Variants in WDR41 observed in about 807,000 individuals in gnomAD.
WDR41 encodes WD repeat-containing protein 41.
In WDR41, 63 loss-of-function variants were observed where a neutral mutation model predicts 69.3. The ratio of observed to expected loss-of-function variants is 0.91; its 90% confidence interval spans 0.74 to 1.12. The LOEUF is 1.12. Among genes scored for constraint, WDR41 ranks in the 50% most tolerant of loss-of-function variants. The pLI is 0.00. For missense variants in WDR41, 543 were observed against 534.5 expected (o/e 1.02, Z -0.16); for synonymous variants, 185 against 192.1 (o/e 0.96, Z 0.31).
chr5:77,497,627 G>C (rs1276437974), intron 1 of WDR41, among the ~76,000 whole-genome samples: 1 of 152,142 alleles, frequency 6.6e-6, no homozygotes, highest in African/African-American at 2.4e-5. Flanking sequence ...GGAGAAATTG[G>C]AGTCCTTGTG....
In WDR41 at chr5:77,461,503, G is replaced by C. The variant is rs953529517; in HGVS notation, c.348+1592C>G. Among the ~76,000 whole-genome samples, 34 of 152,192 alleles carry C rather than the reference G, an allele frequency of 2.2e-4. 1 individual carries two copies. The highest frequency in any genetic ancestry group is 6.5e-5 in the Admixed American group (1 of 15,270). On this transcript the variant is annotated intron_variant, in intron 4 of 12. Coordinates refer to ENST00000296679, the MANE Select transcript of WDR41 (RefSeq NM_018268.4). ...TTACTCCAAAACTTCACCAATGCTTGAAAGTGTTTACACAGAACTTTCAGA... is the reference window on the plus strand; with the variant it reads ...TTACTCCAAAACTTCACCAATGCTTCAAAGTGTTTACACAGAACTTTCAGA...
chr5:77,550,380 C>T (rs1410804722), intron 1 of WDR41, among the ~76,000 whole-genome samples: 3 of 152,086 alleles, frequency 2.0e-5, no homozygotes, highest in African/African-American at 7.2e-5. Context: ...CCATAAGTAA[C>T]TTCAACAATT....
At chr5:77,470,498 G>C (rs1800536222) in intron 2 of WDR41, among the ~76,000 whole-genome samples, 1 of 152,114 alleles carries the variant, frequency 6.6e-6, no homozygotes, top group Admixed American at 6.5e-5. Context: ...TGGATAAAGA[G>C]TCAAGACCCA....
chr5:77,438,397 G>C (rs7720548), intron 9 of WDR41, 36 bp from the exon 10 acceptor site: 2 of 1,610,822 alleles, frequency 1.2e-6, no homozygotes, highest in Non-Finnish European at 1.7e-6. Context: ...CATAAAACTA[G>C]CACTCACCCT....
intron 9 of WDR41, among the ~76,000 whole-genome samples, chr5:77,438,622 C>T (rs533967613): frequency 1.3e-5 from 2 of 152,294 alleles, no homozygotes; most frequent in South Asian, 4.1e-4. Context: ...CCACTTCTTC[C>T]TCACTGAAAT....
intron 8 of WDR41, among the ~76,000 whole-genome samples, chr5:77,446,192 A>G (rs538551785): frequency 3.5e-4 from 53 of 152,200 alleles, no homozygotes; most frequent in Non-Finnish European, 6.5e-4. Flanking sequence ...CAAAGAGAAT[A>G]AAGTACCTAG....
chr5:77,533,634 GA>G (rs1370834757), intron 1 of WDR41, among the ~76,000 whole-genome samples: 1 of 152,106 alleles, frequency 6.6e-6, no homozygotes, highest in East Asian at 1.9e-4. Flanking sequence ...ATAGGAGCCT[GA>G]AATGGATGAT....
chr5:77,559,767 G>T (rs187022286), intron 1 of WDR41, among the ~76,000 whole-genome samples: 23 of 152,026 alleles, frequency 1.5e-4, no homozygotes, highest in Admixed American at 6.6e-4. Context: ...TAAGGTAATT[G>T]CTTGGTAAAC....
intron 1 of WDR41, among the ~76,000 whole-genome samples, chr5:77,551,603 A>C (rs1235126619): frequency 6.6e-6 from 1 of 151,972 alleles, no homozygotes; most frequent in Admixed American, 6.6e-5. Context: ...GCTTGAACCC[A>C]GGAGGTAGAG....
At chr5:77,600,428 C>T (rs555120923) in intron 1 of WDR41, among the ~76,000 whole-genome samples, 108 of 152,112 alleles carry the variant, frequency 7.1e-4, no homozygotes, top group African/African-American at 2.5e-3. Flanking sequence ...GACCAGGGGT[C>T]GAAAGCAGGG....
At chr5:77,464,473 C>T (rs1800208542) in intron 3 of WDR41, among the ~76,000 whole-genome samples, 1 of 151,772 alleles carries the variant, frequency 6.6e-6, no homozygotes, top group Admixed American at 6.6e-5. Flanking sequence ...TCTCAAACTC[C>T]TGGCCCCAAG....
intron 8 of WDR41, among the ~76,000 whole-genome samples, chr5:77,443,900 TG>T (rs777078848): frequency 0.061 from 1,879 of 30,890 alleles, 34 homozygotes; most frequent in Non-Finnish European, 0.075. Flanking sequence ...TTTTTTTTTT[TG>T]AAATGAAGTC....
At chr5:77,577,341 A>C (rs553629924) in intron 1 of WDR41, among the ~76,000 whole-genome samples, 2 of 151,918 alleles carry the variant, frequency 1.3e-5, no homozygotes, top group Non-Finnish European at 2.9e-5. Context: ...GAAAAGAAAA[A>C]TGGGCAAAGG....
At chr5:77,616,876 A>T (rs185172891) in intron 1 of WDR41, among the ~76,000 whole-genome samples, 89 of 152,288 alleles carry the variant, frequency 5.8e-4, no homozygotes, top group Admixed American at 5.7e-3. Context: ...GGTAGTTAAG[A>T]CTTTCTTCTT....
chr5:77,495,981 T>C (rs934382183), upstream of WDR41, among the ~76,000 whole-genome samples: 2 of 152,030 alleles, frequency 1.3e-5, no homozygotes, highest in Non-Finnish European at 2.9e-5. Context: ...AATCAACCAA[T>C]GTAATACATC....
rs1458774674 is a variant in WDR41 at position 77,432,491 on chromosome 5, G to C, written c.*644C>G. 1 of 152,354 alleles carries C rather than the reference G, an allele frequency of 6.6e-6. No homozygotes were observed. The highest frequency in any genetic ancestry group is 1.5e-5 in the Non-Finnish European group (1 of 68,064). The allele number at this position is 152,354 out of a possible 1,614,324, so 9.4% of individuals were successfully genotyped here. ...TACATGAGGGGCAGTTGTTGTTCTA[G>C]TACCCATTTAGCCCATGGCTCTTCA... On this transcript the variant is annotated 3_prime_UTR_variant, in exon 13 of 13. Transcript: ENST00000296679.
At chr5:77,517,028 AAG>A (rs1301441085) in intron 1 of WDR41, among the ~76,000 whole-genome samples, 1 of 151,846 alleles carries the variant, frequency 6.6e-6, no homozygotes, top group Non-Finnish European at 1.5e-5. Context: ...AAAAAAAAAA[AAG>A]GAAAAAGAAA....
chr5:77,564,921 C>G (rs1376625867), intron 1 of WDR41, among the ~76,000 whole-genome samples: 1 of 151,998 alleles, frequency 6.6e-6, no homozygotes, highest in Non-Finnish European at 1.5e-5. Flanking sequence ...TTTAAATCCC[C>G]TATAGTCAAT....
intron 4 of WDR41, among the ~76,000 whole-genome samples, chr5:77,460,313 G>A (rs1799997924): frequency 6.6e-6 from 1 of 152,184 alleles, no homozygotes; most frequent in Non-Finnish European, 1.5e-5. Context: ...AGATTATCAT[G>A]AGAATTACAT....
Sources: gnomAD v4.1 joint callset for allele counts (sites outside exome capture counted in the v4.1 genomes callset) on GRCh38, gnomAD v4.1.1 for gene constraint, MANE v1.5 for transcripts, NCBI Gene and HGNC (gene_info 2026-07-23, HGNC 2026-07-21) for gene names.